The following MAJIN variants were observed in gnomAD, a reference collection of about 807,000 sequenced individuals.
The protein encoded by MAJIN is membrane anchored junction protein.
MAJIN carries 27 observed loss-of-function variants against 30.2 expected under a neutral mutation model. The ratio of observed to expected loss-of-function variants is 0.89; its 90% CI spans 0.66 to 1.23. The LOEUF (loss-of-function observed/expected upper bound fraction) is 1.23. Ranked by LOEUF, MAJIN falls within the 50% of genes most tolerant of loss-of-function variation. The pLI is 0.00. For missense variants in MAJIN, 253 were observed against 260.3 expected, an observed-to-expected ratio of 0.97 and a Z score of 0.19; for synonymous variants, 78 against 91.6, an observed-to-expected ratio of 0.85 and a Z score of 0.85.
Position 64,950,445 on chromosome 11 carries a change from T to C in MAJIN, c.148-15A>G, listed in dbSNP as rs1945534654. On this transcript the variant is annotated splice_polypyrimidine_tract_variant and intron_variant, in intron 4 of 10. Coordinates refer to ENST00000301896, the MANE Select transcript of MAJIN (RefSeq NM_001037225.3). ...CGGACAGAATCCTGAAAAACATATT[T>C]GAAATGACTTTAACACTGTTGAGTC... The C allele has an allele frequency of 6.2e-7, 1 of 1,609,720 alleles. No homozygotes were observed.
intron 4 of MAJIN, among the ~76,000 whole-genome samples, chr11:64,952,587 G>GA (rs1313395128): frequency 2.6e-5 from 4 of 152,172 alleles, no homozygotes; most frequent in African/African-American, 9.7e-5. Flanking sequence ...AAAGAGAGGT[G>GA]AAAAAATGTA....
At position 64,938,471 on chromosome 11, in the gene MAJIN, C is replaced by T. The variant is rs1486153696; in HGVS notation, c.*104G>A. The T allele has an allele frequency of 2.3e-5, 35 of 1,497,226 alleles. No homozygotes were observed. In the East Asian group the frequency reaches 2.5e-4, roughly 11 times the overall value. The allele number at this position is 1,497,226 out of a possible 1,614,324, so 92.7% of individuals were successfully genotyped here. A position where few individuals can be genotyped will look rare whatever the true frequency, so the allele number is the denominator to read the frequency against. ...GGATAGAGTTGGAGGAAGAATGGCT[C>T]GGGAGGAGTCACTACAAGAGATGAT... On this transcript the variant is annotated 3_prime_UTR_variant, in exon 11 of 11. Transcript: ENST00000301896.
At chr11:64,953,820 C>G (rs1441744172) in intron 4 of MAJIN, among the ~76,000 whole-genome samples, 1 of 151,948 alleles carries the variant, frequency 6.6e-6, no homozygotes, top group Non-Finnish European at 1.5e-5. Flanking sequence ...AACAAAAAAC[C>G]AGGTAGAACA....
At chr11:64,964,195 C>T (rs551849032) in intron 1 of MAJIN, among the ~76,000 whole-genome samples, 11 of 152,320 alleles carry the variant, frequency 7.2e-5, no homozygotes, top group Admixed American at 2.0e-4. Flanking sequence ...CTCCCTGCCT[C>T]AGCCTCCCAA....
At position 64,940,835 on chromosome 11, in the gene MAJIN, CTTTTT is replaced by C. The variant is rs1168979344; in HGVS notation, c.474-194_474-190del. Among the ~76,000 whole-genome samples, 113 of 88,566 alleles carry C rather than the reference CTTTTT, an allele frequency of 1.3e-3. 2 individuals carry two copies. The highest frequency in any genetic ancestry group is 8.5e-3 in the Middle Eastern group (1 of 118). 58.1% of individuals were successfully genotyped at this position (88,566 alleles called of 152,430 possible). ...CCTTTTTTCTTTTCTTTTTTTCTTT[CTTTTT>C]TTTTTTTTTTTTTTTTGAGACTGAA... On this transcript the variant is annotated intron_variant, in intron 8 of 10. Transcript: ENST00000301896.
Position 64,938,557 on chromosome 11 carries a change from G to T in MAJIN, c.*18C>A. ...TGGCTGCTCTTCCTGAAGAAATATC[G>T]AAACGGGAAGAGAGAGCTGCAAGAA... On this transcript the variant is annotated 3_prime_UTR_variant, in exon 11 of 11. Coordinates refer to ENST00000301896, the MANE Select transcript of MAJIN (RefSeq NM_001037225.3). 2.0e-6 allele frequency: 3 copies of T among 1,535,796 alleles called. No individual in the cohort carries two copies. The highest frequency in any genetic ancestry group is 2.6e-6 in the Non-Finnish European group (3 of 1,146,744).
At position 64,969,212 on chromosome 11, in the gene MAJIN, G is replaced by A. The variant is rs1945858825; in HGVS notation, c.-65+2665C>T. Among the ~76,000 whole-genome samples, 8 of 152,262 alleles carry A rather than the reference G, an allele frequency of 5.3e-5. No homozygotes were observed. In the South Asian group the frequency reaches 1.7e-3, roughly 32 times the overall value. ...TAGTAGTTGTGTTTTAAGTCTAAGA[G>A]GCCTATGAGACATCCAAGTGGATAT... is the stretch of plus-strand genomic sequence containing the variant. On this transcript the variant is annotated intron_variant, in intron 1 of 10. Transcript: ENST00000301896.
At chr11:64,967,644 A>G (rs555899891) in intron 1 of MAJIN, among the ~76,000 whole-genome samples, 2 of 152,192 alleles carry the variant, frequency 1.3e-5, no homozygotes, top group African/African-American at 4.8e-5. Flanking sequence ...CAAAAGAGAG[A>G]AGTACAGTAA....
intron 8 of MAJIN, among the ~76,000 whole-genome samples, chr11:64,946,568 C>T (rs1390693229): frequency 6.6e-6 from 1 of 152,166 alleles, no homozygotes; most frequent in Non-Finnish European, 1.5e-5. Flanking sequence ...CCTACATGTG[C>T]ATCTGGAGAG....
intron 1 of MAJIN, among the ~76,000 whole-genome samples, chr11:64,971,240 CAACA>C (rs1945896949): frequency 6.6e-6 from 1 of 151,908 alleles, no homozygotes; most frequent in Non-Finnish European, 1.5e-5. Context: ...CCAGCCTGGC[CAACA>C]TGGTGAAACC....
chr11:64,951,697 C>T (rs967707185), intron 4 of MAJIN, among the ~76,000 whole-genome samples: 3 of 145,066 alleles, frequency 2.1e-5, no homozygotes, highest in Admixed American at 1.4e-4. Flanking sequence ...CCTGGGAGGT[C>T]GAGGCTGCAG....
intron 6 of MAJIN, 72 bp downstream of exon 6, chr11:64,949,671 T>G: frequency 6.4e-7 from 1 of 1,562,716 alleles, no homozygotes; most frequent in Non-Finnish European, 8.7e-7. Context: ...TGGTAGCCCC[T>G]TTCGCGATAC....
intron 1 of MAJIN, among the ~76,000 whole-genome samples, chr11:64,967,420 AAAAAAG>A (rs757265091): frequency 4.7e-5 from 7 of 150,132 alleles, no homozygotes; most frequent in East Asian, 2.0e-4. Flanking sequence ...AAAGAAAAAG[AAAAAAG>A]AAAAAGAAAA....
chr11:64,955,717 A>G (rs1945619631), intron 3 of MAJIN, among the ~76,000 whole-genome samples: 1 of 152,264 alleles, frequency 6.6e-6, no homozygotes, highest in Admixed American at 6.5e-5. Context: ...TGAGTTTGAC[A>G]GTTTCCAAAT....
chr11:64,956,859 C>T (rs1001343813), intron 3 of MAJIN, among the ~76,000 whole-genome samples: 23 of 151,124 alleles, frequency 1.5e-4, no homozygotes, highest in African/African-American at 4.6e-4. Context: ...CTCCGCCTCC[C>T]GGGTTCAAGC....
chr11:64,969,888 C>T (rs1316526156), intron 1 of MAJIN, among the ~76,000 whole-genome samples: 1 of 152,092 alleles, frequency 6.6e-6, no homozygotes, highest in Non-Finnish European at 1.5e-5. Flanking sequence ...GAGGTAAAAG[C>T]ACCATTTTCT....
intron 5 of MAJIN, 141 bp from the exon 6 acceptor site, chr11:64,950,009 G>T: frequency 1.7e-6 from 2 of 1,189,410 alleles, no homozygotes; most frequent in Non-Finnish European, 2.4e-6. Flanking sequence ...AGTCTAAAAT[G>T]TGAGCTGTAG....
intron 4 of MAJIN, among the ~76,000 whole-genome samples, chr11:64,951,285 C>CT (rs1184338566): frequency 6.6e-6 from 1 of 152,102 alleles, no homozygotes; most frequent in Non-Finnish European, 1.5e-5. Flanking sequence ...TAAGTCAAAC[C>CT]TTTTTTTCAC....
intron 5 of MAJIN, 121 bp from the exon 6 acceptor site, chr11:64,949,989 C>T (rs531799837): frequency 5.5e-5 from 73 of 1,331,870 alleles, no homozygotes; most frequent in East Asian, 6.9e-5. Context: ...GGTTTTGCTA[C>T]GTCCATTTGA....
Sources: gnomAD v4.1 joint callset for allele counts (sites outside exome capture counted in the v4.1 genomes callset) on GRCh38, gnomAD v4.1.1 for gene constraint, MANE v1.5 for transcripts, NCBI Gene and HGNC (gene_info 2026-07-23, HGNC 2026-07-21) for gene names.